Variants in STAB2 observed in about 807,000 individuals in gnomAD.
STAB2 encodes stabilin 2, also known as stabilin-2.
A neutral mutation model predicts 338.1 loss-of-function variants in STAB2; 288 were observed. That is an observed-to-expected ratio of 0.85 (90% CI 0.77 to 0.94). The LOEUF is 0.94. STAB2 is among the 40% of genes least tolerant of loss of function. STAB2 has a pLI of 0.00. For missense variants in STAB2, 3,141 were observed against 3,210.1 expected (o/e 0.98, Z 0.52); for synonymous variants, 1,202 against 1,193.3 (o/e 1.01, Z -0.15).
intron 45 of STAB2, among the ~76,000 whole-genome samples, chr12:103,725,665 CATGTGTGTGTGT>C (rs1881140271): frequency 6.6e-6 from 1 of 152,046 alleles, no homozygotes; most frequent in Admixed American, 6.6e-5. Flanking sequence ...CGTGTGTGTG[CATGTGTGTGTGT>C]ACTGAGCATA....
intron 9 of STAB2, 69 bp from the exon 10 acceptor site, chr12:103,648,621 A>T (rs1039827890): frequency 1.7e-5 from 27 of 1,571,232 alleles, no homozygotes; most frequent in Non-Finnish European, 2.2e-5. Context: ...CAATGAGGGG[A>T]TTGGACTGTA....
chr12:103,743,406 T>C (rs1045692377), intron 56 of STAB2, among the ~76,000 whole-genome samples: 5 of 152,092 alleles, frequency 3.3e-5, no homozygotes, highest in Middle Eastern at 3.4e-3. Context: ...CAGACACAAA[T>C]TTTTCTAAAA....
rs1406372802 is a variant in STAB2 at position 103,732,871 on chromosome 12, G to T, written c.5284-135G>T. The T allele has an allele frequency of 8.5e-6, 8 of 942,352 alleles. No individual in the cohort carries two copies. The African/African-American group carries it at 1.3e-4, about 16-fold the overall frequency. 58.4% of individuals were successfully genotyped at this position (942,352 alleles called of 1,614,324 possible). A position where few individuals can be genotyped will look rare whatever the true frequency, so the allele number is the denominator to read the frequency against. On this transcript the variant is annotated intron_variant, in intron 50 of 68. Coordinates refer to ENST00000388887, the MANE Select transcript of STAB2 (RefSeq NM_017564.10). Reference sequence around the variant, plus strand: ...TGATGGGCTTCTAGTTTCTCTAGCTGCATCACCCTTGAACCATCCAGAGTC... The same window carrying T: ...TGATGGGCTTCTAGTTTCTCTAGCTTCATCACCCTTGAACCATCCAGAGTC...
At chr12:103,605,739 T>C (rs970237069) in intron 3 of STAB2, among the ~76,000 whole-genome samples, 1 of 152,028 alleles carries the variant, frequency 6.6e-6, no homozygotes, top group African/African-American at 2.4e-5. Flanking sequence ...CTGGTAAAAA[T>C]ATGTTAATTT....
At chr12:103,759,568 A>C (rs1404389463) in intron 65 of STAB2, among the ~76,000 whole-genome samples, 1 of 152,192 alleles carries the variant, frequency 6.6e-6, no homozygotes, top group Non-Finnish European at 1.5e-5. Flanking sequence ...CCAGGCATTA[A>C]CATGAGCTCC....
At position 103,688,213 on chromosome 12, in the gene STAB2, A is replaced by G. The variant is rs372556676; in HGVS notation, c.3043A>G (p.Asn1015Asp). 3.7e-6 allele frequency: 6 copies of G among 1,613,446 alleles called. No individual in the cohort carries two copies. Among genetic ancestry groups the G allele is most frequent in the Admixed American group, 3.3e-5 (2 of 60,002 alleles). The change falls in exon 28 of 69, where the codon AAT becomes GAT. Residue 1015 changes from asparagine to aspartate, a missense_variant and splice_region_variant. Coordinates refer to ENST00000388887, the MANE Select transcript of STAB2 (RefSeq NM_017564.10). ...AGCAGCTATATTTAACCGATGGATA[A>G]ATGTGAGTACCTTTATTGGGACTTA... ...SEAAIFNRWI[N>D]NASLQPTLSA...
At chr12:103,678,558 G>A (rs868500641) in intron 25 of STAB2, among the ~76,000 whole-genome samples, 20 of 152,084 alleles carry the variant, frequency 1.3e-4, no homozygotes, top group Admixed American at 3.9e-4. Context: ...ATGGAGTCTC[G>A]CTCTGTCGCC....
intron 52 of STAB2, among the ~76,000 whole-genome samples, chr12:103,736,491 T>C (rs1206602392): frequency 2.0e-5 from 3 of 152,196 alleles, no homozygotes; most frequent in Non-Finnish European, 4.4e-5. Flanking sequence ...TTCCAGCTTC[T>C]GGTACGTTAT....
chr12:103,662,728 G>A (rs1565993699), intron 17 of STAB2, 118 bp from the exon 18 acceptor site: 1 of 1,200,916 alleles, frequency 8.3e-7, no homozygotes, highest in Non-Finnish European at 1.2e-6. Flanking sequence ...CCAATGAAAA[G>A]TTAAGTGATG....
chr12:103,747,781 G>T (rs1000894216), intron 58 of STAB2, among the ~76,000 whole-genome samples: 21 of 152,084 alleles, frequency 1.4e-4, no homozygotes, highest in Non-Finnish European at 2.5e-4. Context: ...GATCACTTGA[G>T]GTCAGGAGTT....
chr12:103,619,890 C>T (rs1157274513), intron 3 of STAB2, among the ~76,000 whole-genome samples: 1 of 152,040 alleles, frequency 6.6e-6, no homozygotes, highest in African/African-American at 2.4e-5. Context: ...CCTGAAATAT[C>T]CTTTCCTTTT....
rs780051134 is a variant in STAB2 at position 103,677,438 on chromosome 12, C to A, written c.2647-15C>A. On this transcript the variant is annotated splice_polypyrimidine_tract_variant and intron_variant, in intron 24 of 68. Coordinates refer to ENST00000388887, the MANE Select transcript of STAB2 (RefSeq NM_017564.10). ...TGAGGATTCAGAGGCTTTGCTTTTT[C>A]TTTTCCTCCTGCAGGCAGAATGCAT... The A allele has an allele frequency of 1.9e-6, 3 of 1,593,774 alleles. No individual in the cohort carries two copies. Among genetic ancestry groups the A allele is most frequent in the Non-Finnish European group, 2.6e-6 (3 of 1,165,222 alleles).
intron 27 of STAB2, 104 bp from the exon 28 acceptor site, chr12:103,688,064 C>G (rs1877587587): frequency 8.9e-7 from 1 of 1,117,454 alleles, no homozygotes; most frequent in African/African-American, 1.5e-5. Flanking sequence ...CCCAGGAAGG[C>G]TGAGTGCAGG....
intron 63 of STAB2, 120 bp downstream of exon 63, chr12:103,755,838 C>A (rs2139212895): frequency 1.1e-6 from 1 of 886,358 alleles, no homozygotes; most frequent in Non-Finnish European, 1.8e-6. Flanking sequence ...GGGTGCTGGA[C>A]CACCTTGCCT....
intron 49 of STAB2, 45 bp from the exon 50 acceptor site, chr12:103,731,531 A>T (rs942404392): frequency 1.3e-6 from 2 of 1,599,896 alleles, no homozygotes; most frequent in Non-Finnish European, 1.7e-6. Flanking sequence ...TTCCTCTTAA[A>T]CTGTATAAGG....
Position 103,696,220 on chromosome 12 carries a change from T to C in STAB2, c.3582+376T>C, listed in dbSNP as rs188897650. 1.7e-3 allele frequency among the ~76,000 whole-genome samples: 256 copies of C among 152,198 alleles called. 1 individual carries two copies. Among genetic ancestry groups the C allele is most frequent in the African/African-American group, 5.8e-3 (239 of 41,524 alleles). On this transcript the variant is annotated intron_variant, in intron 33 of 68. Coordinates refer to ENST00000388887, the MANE Select transcript of STAB2 (RefSeq NM_017564.10). ...TTCTAGCCCGAGTGATGAAACCACA[T>C]GGAGAAACCACATGGTTTCTCCAGA...
In STAB2 at chr12:103,587,461, G is replaced by C; in HGVS notation, c.-16G>C. ...CTGACAGGTGCTTGGCACAGAGAAGGAGCAAATATTTCCTCATGATGCTAC... is the reference window on the plus strand; with the variant it reads ...CTGACAGGTGCTTGGCACAGAGAAGCAGCAAATATTTCCTCATGATGCTAC... On this transcript the variant is annotated 5_prime_UTR_variant, in exon 1 of 69. Transcript: ENST00000388887. 1 of 1,610,468 alleles carries C rather than the reference G, an allele frequency of 6.2e-7. No homozygotes were observed. Among genetic ancestry groups the C allele is most frequent in the Non-Finnish European group, 8.5e-7 (1 of 1,177,424 alleles).
chr12:103,699,638 G>A (rs1566025840), intron 34 of STAB2, among the ~76,000 whole-genome samples: 4 of 152,182 alleles, frequency 2.6e-5, no homozygotes, highest in Admixed American at 6.5e-5. Flanking sequence ...AATTCAGGAT[G>A]AGATTTGGGT....
intron 5 of STAB2, 143 bp from the exon 6 acceptor site, chr12:103,631,455 C>A (rs866754510): frequency 1.3e-4 from 64 of 479,194 alleles, no homozygotes; most frequent in African/African-American, 1.0e-3. Flanking sequence ...AAAAAAAAAA[C>A]CTGGTGCTGA....
Sources: gnomAD v4.1 joint callset for allele counts (sites outside exome capture counted in the v4.1 genomes callset) on GRCh38, gnomAD v4.1.1 for gene constraint, MANE v1.5 for transcripts, NCBI Gene and HGNC (gene_info 2026-07-23, HGNC 2026-07-21) for gene names.